ANKRD66: variants seen among roughly 807,000 people sequenced by gnomAD.
ANKRD66 encodes ankyrin repeat domain-containing protein 66.
A neutral mutation model predicts 10.9 loss-of-function variants in ANKRD66; 10 were observed. The ratio of observed to expected loss-of-function variants is 0.91; its 90% CI spans 0.56 to 1.55. The LOEUF (loss-of-function observed/expected upper bound fraction) is 1.55, where lower values mean the gene tolerates loss of function less well. ANKRD66 is among the 40% of genes most tolerant of loss of function. ANKRD66 has a pLI of 0.00. For missense variants in ANKRD66, 252 were observed against 242.9 expected, an observed-to-expected ratio of 1.04 and a Z score of -0.25; for synonymous variants, 85 against 88.4, an observed-to-expected ratio of 0.96 and a Z score of 0.22.
chr6:46,755,761 T>A (rs1377518009), intron 4 of ANKRD66, among the ~76,000 whole-genome samples: 1 of 152,056 alleles, frequency 6.6e-6, no homozygotes, highest in Admixed American at 6.5e-5. Flanking sequence ...GTGTCTTTCT[T>A]CTTCCCTACA....
intron 3 of ANKRD66, 45 bp from the exon 4 acceptor site, chr6:46,753,677 C>A: frequency 2.0e-6 from 3 of 1,482,390 alleles, no homozygotes; most frequent in Non-Finnish European, 1.8e-6. Context: ...CCACTTGGGA[C>A]ATCTTTATCC....
At position 46,746,978 on chromosome 6, in the gene ANKRD66, T is replaced by A. The variant is rs1443218573; in HGVS notation, c.-109T>A. 6.5e-7 allele frequency: 1 copy of A among 1,535,420 alleles called. No individual in the cohort carries two copies. Among genetic ancestry groups the A allele is most frequent in the East Asian group, 2.4e-5 (1 of 40,910 alleles). On this transcript the variant is annotated 5_prime_UTR_variant, in exon 1 of 5. Transcript: ENST00000565422. ...CCTGTCAGCACAGAGCTCCTCAAAT[T>A]TCACACAAGACAGTAAGTGTTTTTA...
At chr6:46,748,082 G>T (rs1344751901) in intron 1 of ANKRD66, among the ~76,000 whole-genome samples, 1 of 152,154 alleles carries the variant, frequency 6.6e-6, no homozygotes, top group Non-Finnish European at 1.5e-5. Flanking sequence ...TGAGGGAGAG[G>T]ACCAACTTCA....
chr6:46,756,717 T>C (rs1287540248), intron 4 of ANKRD66: 1 of 152,194 alleles, frequency 6.6e-6, no homozygotes, highest in Non-Finnish European at 1.5e-5. Flanking sequence ...CTAAATCAAT[T>C]GCCTCTTCTC....
intron 4 of ANKRD66, chr6:46,756,510 T>C (rs9395211): frequency 0.51 from 78,759 of 155,252 alleles, 22,333 homozygotes; most frequent in African/African-American, 0.76. Flanking sequence ...ACTTGATAGT[T>C]TTATATAGCC....
chr6:46,756,865 T>A (rs562941677), intron 4 of ANKRD66: 1 of 152,266 alleles, frequency 6.6e-6, no homozygotes, highest in Non-Finnish European at 1.5e-5. Flanking sequence ...ATGTGCTTTT[T>A]CTAAGAATAA....
chr6:46,752,659 C>T (rs1255306873), intron 3 of ANKRD66, among the ~76,000 whole-genome samples: 3 of 152,166 alleles, frequency 2.0e-5, no homozygotes, highest in Non-Finnish European at 4.4e-5. Flanking sequence ...ACCTTGGAGC[C>T]CTGTGATGGG....
At chr6:46,757,491 C>T (rs1582608545) in intron 4 of ANKRD66, 1 of 152,178 alleles carries the variant, frequency 6.6e-6, no homozygotes, top group South Asian at 2.1e-4. Flanking sequence ...GAAACAGATG[C>T]ATTAGCAATT....
chr6:46,754,900 C>T (rs994540718), intron 4 of ANKRD66, among the ~76,000 whole-genome samples: 1 of 152,188 alleles, frequency 6.6e-6, no homozygotes, highest in African/African-American at 2.4e-5. Flanking sequence ...TTTCATCCAT[C>T]ATCCCCTACA....
At chr6:46,752,151 C>T in intron 3 of ANKRD66, 40 bp downstream of exon 3, 4 of 1,401,166 alleles carry the variant, frequency 2.9e-6, no homozygotes, top group Non-Finnish European at 3.7e-6. Flanking sequence ...CCTTTTGAGT[C>T]CACCATTCAT....
intron 4 of ANKRD66, chr6:46,757,014 G>T (rs928876974): frequency 6.6e-6 from 1 of 152,166 alleles, no homozygotes; most frequent in Non-Finnish European, 1.5e-5. Flanking sequence ...TATGATCCCA[G>T]CATAACTGAA....
rs1178910027 is a variant in ANKRD66 at position 46,749,902 on chromosome 6, T to A, written c.-90T>A. On this transcript the variant is annotated 5_prime_UTR_variant, in exon 2 of 5. Coordinates refer to ENST00000565422, the MANE Select transcript of ANKRD66 (RefSeq NM_001162435.3). ...TTTCTTTCTCTCCCTCCAGGGCTGT[T>A]CTCACATTTCAATGCACTCACCTGG... 1.9e-6 allele frequency: 3 copies of A among 1,550,560 alleles called. No individual in the cohort carries two copies. The South Asian group carries it at 3.6e-5, about 18-fold the overall frequency.
At position 46,753,739 on chromosome 6, in the gene ANKRD66, C is replaced by T. The variant is rs150872045; in HGVS notation, c.181C>T (p.Arg61Trp). The T allele has an allele frequency of 9.0e-5, 140 of 1,549,432 alleles. No individual in the cohort carries two copies. The highest frequency in any genetic ancestry group is 3.4e-4 in the Middle Eastern group (2 of 5,810). ...CATCTAAGGGCAAATGGAGGTGATA[C>T]GGCTCCTGATAGAATATGGAGCCAG... ...AAIKGQMEVI[R>W]LLIEYGARPC... Residue 61 changes from arginine (R) to tryptophan (W), a missense_variant, in exon 4 of 5, where the codon CGG becomes TGG. Physicochemically the swap from Arg to Trp is moderately radical, Grantham distance 101 (BLOSUM62 -3). Transcript: ENST00000565422.
At chr6:46,756,266 G>A (rs1196042154) in intron 4 of ANKRD66, 1 of 213,406 alleles carries the variant, frequency 4.7e-6, no homozygotes, top group Non-Finnish European at 9.6e-6. Context: ...GGAAGGGTTT[G>A]TTATTTCATT....
At chr6:46,754,634 T>G (rs774929338) in intron 4 of ANKRD66, among the ~76,000 whole-genome samples, 1 of 152,280 alleles carries the variant, frequency 6.6e-6, no homozygotes, top group East Asian at 1.9e-4. Context: ...CCAAATGATA[T>G]AGATAGCAAT....
chr6:46,752,759 A>G (rs1766297462), intron 3 of ANKRD66, among the ~76,000 whole-genome samples: 1 of 152,214 alleles, frequency 6.6e-6, no homozygotes, highest in Admixed American at 6.5e-5. Context: ...TCTAACAGGA[A>G]TAGAGCATCA....
chr6:46,747,235 A>C (rs1405692771), intron 1 of ANKRD66, among the ~76,000 whole-genome samples: 1 of 152,176 alleles, frequency 6.6e-6, no homozygotes, highest in Non-Finnish European at 1.5e-5. Context: ...TATTTTCTGC[A>C]AACAAATTGT....
intron 1 of ANKRD66, among the ~76,000 whole-genome samples, chr6:46,748,651 C>G (rs911905012): frequency 6.6e-6 from 1 of 152,142 alleles, no homozygotes; most frequent in Non-Finnish European, 1.5e-5. Flanking sequence ...ACAAAACATG[C>G]CCAATCCTTG....
rs1046780145 is a variant in ANKRD66 at position 46,752,066 on chromosome 6, G to A, written c.118G>A (p.Val40Ile). Residue 40 changes from valine to isoleucine, a missense_variant, in exon 3 of 5, where the codon GTA (valine) becomes ATA (isoleucine). Physicochemically the swap from Val to Ile is conservative, Grantham distance 29. Transcript: ENST00000565422. Reference sequence around the variant, plus strand: ...TCTCTGTGACCCAAACTACAAAGATGTAGACTGGAATGACCGGACCCCACT... The same window carrying A: ...TCTCTGTGACCCAAACTACAAAGATATAGACTGGAATGACCGGACCCCACT... The part of the protein sequence containing the change: ...KGLCDPNYKD[V>I]DWNDRTPLHW... The A allele has an allele frequency of 1.4e-5, 22 of 1,534,274 alleles. No individual in the cohort carries two copies. In the African/African-American group the frequency reaches 2.9e-4, roughly 20 times the overall value.
Sources: gnomAD v4.1 joint callset for allele counts (sites outside exome capture counted in the v4.1 genomes callset) on GRCh38, gnomAD v4.1.1 for gene constraint, MANE v1.5 for transcripts, NCBI Gene and HGNC (gene_info 2026-07-23, HGNC 2026-07-21) for gene names.